The following CLIC5 variants were observed in gnomAD, a reference collection of about 807,000 sequenced individuals.
CLIC5 encodes chloride intracellular channel protein 5.
A neutral mutation model predicts 24.7 loss-of-function variants in CLIC5; 20 were observed. The observed-to-expected ratio is 0.81, with a 90% confidence interval of 0.57 to 1.18. The LOEUF (loss-of-function observed/expected upper bound fraction) is 1.18, where lower values mean the gene tolerates loss of function less well. Among genes scored for constraint, CLIC5 ranks in the 50% most tolerant of loss-of-function variants. CLIC5 has a pLI of 0.00. For missense variants in CLIC5, 341 were observed against 326.1 expected (o/e 1.05, Z -0.35); for synonymous variants, 159 against 135.6 (o/e 1.17, Z -1.20).
intron 4 of CLIC5, among the ~76,000 whole-genome samples, chr6:45,936,274 G>T (rs1285351853): frequency 7.0e-6 from 1 of 143,626 alleles, no homozygotes; most frequent in Non-Finnish European, 1.5e-5. Context: ...ACGTGATCTC[G>T]GCTCACTGCA....
At chr6:45,885,338 CT>C (rs1762296243) in intron 6 of CLIC5, among the ~76,000 whole-genome samples, 1 of 152,186 alleles carries the variant, frequency 6.6e-6, no homozygotes, top group Admixed American at 6.5e-5. Context: ...GCACCCTCAT[CT>C]TGAACTTCCA....
At chr6:46,066,177 C>T (rs1404285953) in intron 1 of CLIC5, among the ~76,000 whole-genome samples, 1 of 152,106 alleles carries the variant, frequency 6.6e-6, no homozygotes, top group African/African-American at 2.4e-5. Flanking sequence ...AACTTAGAAC[C>T]AGGCAAACAA....
chr6:46,088,453 T>A, the CLIC5 span, among the ~76,000 whole-genome samples: 6 of 152,290 alleles, frequency 3.9e-5, no homozygotes, highest in Middle Eastern at 3.4e-3. Flanking sequence ...CTGTGTAGTG[T>A]CAAAGATGTA....
intron 1 of CLIC5, among the ~76,000 whole-genome samples, chr6:46,038,995 G>T (rs1767735908): frequency 6.6e-6 from 1 of 152,082 alleles, no homozygotes; most frequent in African/African-American, 2.4e-5. Context: ...GCATACATAA[G>T]AATTTAGCTC....
chr6:45,973,934 A>AC (rs567659812), intron 1 of CLIC5, among the ~76,000 whole-genome samples: 92 of 152,160 alleles, frequency 6.0e-4, no homozygotes, highest in African/African-American at 1.9e-3. Flanking sequence ...ATCTCAAAAA[A>AC]AAAAAAAGCA....
At chr6:46,124,231 A>G in the CLIC5 span, among the ~76,000 whole-genome samples, 1 of 152,258 alleles carries the variant, frequency 6.6e-6, no homozygotes, top group East Asian at 1.9e-4. Flanking sequence ...GTACCAAAAC[A>G]GAGATATAGA....
chr6:46,036,452 A>T (rs2127458434), intron 1 of CLIC5, among the ~76,000 whole-genome samples: 1 of 151,762 alleles, frequency 6.6e-6, no homozygotes, highest in Non-Finnish European at 1.5e-5. Flanking sequence ...CTGGGACTAC[A>T]GGCGCCTGCC....
intron 1 of CLIC5, among the ~76,000 whole-genome samples, chr6:45,992,469 G>A (rs916849178): frequency 3.3e-5 from 5 of 152,144 alleles, no homozygotes; most frequent in East Asian, 1.9e-4. Context: ...AATCCTTCAC[G>A]GAGAGATTCT....
chr6:46,071,268 C>A (rs1412402252), intron 1 of CLIC5, among the ~76,000 whole-genome samples: 2 of 152,052 alleles, frequency 1.3e-5, no homozygotes, highest in Non-Finnish European at 2.9e-5. Context: ...GCAAAAGAAA[C>A]TATCAACAGA....
intron 1 of CLIC5, among the ~76,000 whole-genome samples, chr6:46,065,046 A>T (rs931154708): frequency 6.6e-6 from 1 of 152,194 alleles, no homozygotes; most frequent in South Asian, 2.1e-4. Context: ...AATTGTCTTG[A>T]CTATATAAAG....
chr6:46,023,469 T>C (rs1365035242), intron 1 of CLIC5, among the ~76,000 whole-genome samples: 1 of 152,222 alleles, frequency 6.6e-6, no homozygotes, highest in African/African-American at 2.4e-5. Flanking sequence ...GGGATGCTAC[T>C]AGAAATTTAG....
intron 1 of CLIC5, among the ~76,000 whole-genome samples, chr6:45,990,560 C>G (rs1051779884): frequency 6.6e-6 from 1 of 152,188 alleles, no homozygotes; most frequent in Non-Finnish European, 1.5e-5. Context: ...TGAGTTACCT[C>G]ACAGCAAAAA....
chr6:46,027,803 G>C (rs1767382368), intron 1 of CLIC5, among the ~76,000 whole-genome samples: 1 of 152,284 alleles, frequency 6.6e-6, no homozygotes, highest in Admixed American at 6.5e-5. Flanking sequence ...AGCAACTACA[G>C]AAGGCCAGGA....
intron 4 of CLIC5, among the ~76,000 whole-genome samples, chr6:45,931,391 C>T (rs1395585381): frequency 2.6e-5 from 4 of 152,112 alleles, no homozygotes; most frequent in Admixed American, 2.0e-4. Context: ...CAATGTTGAA[C>T]TTGATTCACT....
intron 1 of CLIC5, among the ~76,000 whole-genome samples, chr6:46,053,865 T>C (rs1460387979): frequency 6.6e-6 from 1 of 152,154 alleles, no homozygotes; most frequent in African/African-American, 2.4e-5. Flanking sequence ...TAATTGAGAT[T>C]TGACCATTTA....
intron 1 of CLIC5, among the ~76,000 whole-genome samples, chr6:46,039,379 A>G (rs1397259805): frequency 4.1e-5 from 5 of 122,114 alleles, no homozygotes; most frequent in South Asian, 5.3e-4. Flanking sequence ...CATAATAAGA[A>G]CTTATTACAT....
chr6:46,099,891 G>T, the CLIC5 span, among the ~76,000 whole-genome samples: 1 of 151,708 alleles, frequency 6.6e-6, no homozygotes, highest in Admixed American at 6.6e-5. Flanking sequence ...ATAGTATTTT[G>T]TCCATGGAGG....
At chr6:46,033,230 G>GC (rs1352036651) in intron 1 of CLIC5, among the ~76,000 whole-genome samples, 1 of 150,100 alleles carries the variant, frequency 6.7e-6, no homozygotes, top group Admixed American at 6.6e-5. Context: ...CTCATGATCC[G>GC]CCCGCCTCGG....
chr6:46,123,890 T>C, the CLIC5 span, among the ~76,000 whole-genome samples: 1 of 152,260 alleles, frequency 6.6e-6, no homozygotes, highest in East Asian at 1.9e-4. Flanking sequence ...GTGAAGGACC[T>C]CTTCAAGGCG....
Sources: allele counts gnomAD v4.1 joint callset (sites outside exome capture counted in the v4.1 genomes callset), GRCh38; gene constraint gnomAD v4.1.1; transcripts MANE v1.5; gene names NCBI Gene and HGNC (gene_info 2026-07-23, HGNC 2026-07-21).